Variants in GPR176 observed in about 807,000 individuals in gnomAD.
The protein encoded by GPR176 is G-protein coupled receptor 176.
In GPR176, 26 loss-of-function variants were observed where a neutral mutation model predicts 35.4. The ratio of observed to expected loss-of-function variants is 0.74; its 90% CI spans 0.54 to 1.02. The LOEUF (loss-of-function observed/expected upper bound fraction) is 1.02. GPR176 is among the 50% of genes least tolerant of loss of function. The probability of loss-of-function intolerance (pLI) is 0.00; values close to 1 mark genes in which losing one functional copy is unlikely to be tolerated. For synonymous variants in GPR176, 278 were observed against 271.3 expected (o/e 1.02, Z -0.24); for missense variants, 597 against 665.3 (o/e 0.90, Z 1.13).
chr15:39,819,815 A>G (rs1900149544), intron 1 of GPR176, among the ~76,000 whole-genome samples: 1 of 152,242 alleles, frequency 6.6e-6, no homozygotes, highest in South Asian at 2.1e-4. Context: ...CTAAGAAAGG[A>G]AAGTGAGCCT....
intron 1 of GPR176, among the ~76,000 whole-genome samples, chr15:39,915,672 C>G (rs75126732): frequency 0.072 from 10,879 of 152,094 alleles, 542 homozygotes; most frequent in East Asian, 0.29. Flanking sequence ...GTCAGGAGTT[C>G]AAGACCATCC....
At chr15:39,849,006 A>C (rs184243322) in intron 1 of GPR176, among the ~76,000 whole-genome samples, 1 of 152,078 alleles carries the variant, frequency 6.6e-6, no homozygotes, top group East Asian at 1.9e-4. Flanking sequence ...TCAGAAAAAC[A>C]ATAGATAAAA....
At chr15:39,900,055 C>G (rs530584635) in intron 1 of GPR176, among the ~76,000 whole-genome samples, 51 of 151,680 alleles carry the variant, frequency 3.4e-4, no homozygotes, top group African/African-American at 1.2e-3. Flanking sequence ...TAATCATGTT[C>G]CCCCACCAAA....
In GPR176 at chr15:39,801,897, C is replaced by T. The variant is rs2140770658; in HGVS notation, c.783G>A (p.Glu261=). 6.2e-7 allele frequency: 1 copy of T among 1,614,050 alleles called. No homozygotes were observed. Among genetic ancestry groups the T allele is most frequent in the East Asian group, 2.2e-5 (1 of 44,872 alleles). ...TISIPYASQR[E]AELHATLLSM... ...AGAGCAGGGTGGCGTGCAGCTCGGC[C>T]TCCCGCTGGGAGGCATAGGGAATAG... Residue 261 remains glutamate, a synonymous_variant, in exon 3 of 3, where the codon GAG becomes GAA. Transcript: ENST00000561100.
In GPR176 at chr15:39,801,232, G is replaced by A. The variant is rs760357706; in HGVS notation, c.1448C>T (p.Pro483Leu). 3 of 1,614,012 alleles carry A rather than the reference G, an allele frequency of 1.9e-6. No homozygotes were observed. Among genetic ancestry groups the A allele is most frequent in the African/African-American group, 1.3e-5 (1 of 75,060 alleles). ...CACCTTTGTCTGGATCAGCTCTTCT[G>A]GGGTGTTGCCCAAGGGGGGAAGCAG... ...KRLLPPLGNT[P>L]EELIQTKVPK... Residue 483 changes from proline to leucine, a missense_variant, in exon 3 of 3, where the codon CCA becomes CTA. Pro to Leu is a moderately conservative substitution (Grantham distance 98). This residue lies in a region of GPR176 where 251 missense variants were observed against 255.4 expected (regional missense o/e 0.98). Transcript: ENST00000561100.
intron 1 of GPR176, among the ~76,000 whole-genome samples, chr15:39,854,239 G>GA (rs2031061013): frequency 6.6e-6 from 1 of 152,138 alleles, no homozygotes; most frequent in South Asian, 2.1e-4. Context: ...CAGGACCTGT[G>GA]ATGTAAACTC....
At chr15:39,903,906 A>G (rs275733) in intron 1 of GPR176, among the ~76,000 whole-genome samples, 63,722 of 152,040 alleles carry the variant, frequency 0.42, 13,946 homozygotes, top group African/African-American at 0.54. Context: ...GGAAAATAAA[A>G]GAATAAAAGG....
chr15:39,898,772 G>C (rs1216684375), intron 1 of GPR176, among the ~76,000 whole-genome samples: 1 of 152,116 alleles, frequency 6.6e-6, no homozygotes, highest in Non-Finnish European at 1.5e-5. Flanking sequence ...AGTAATTGGG[G>C]AGGGCTAAAA....
At chr15:39,855,342 C>T (rs2140815751) in intron 1 of GPR176, among the ~76,000 whole-genome samples, 1 of 152,262 alleles carries the variant, frequency 6.6e-6, no homozygotes, top group South Asian at 2.1e-4. Context: ...TTGTGTGTCC[C>T]AACTATAGTG....
At chr15:39,913,492 C>G (rs1190176220) in intron 1 of GPR176, among the ~76,000 whole-genome samples, 1 of 151,500 alleles carries the variant, frequency 6.6e-6, no homozygotes, top group Non-Finnish European at 1.5e-5. Flanking sequence ...TTGCAGTGAA[C>G]TGAGATCGCA....
intron 1 of GPR176, among the ~76,000 whole-genome samples, chr15:39,861,587 A>G (rs1281980237): frequency 6.6e-6 from 1 of 152,022 alleles, no homozygotes; most frequent in Non-Finnish European, 1.5e-5. Context: ...TGATGTGTCT[A>G]AGAAATTGTA....
intron 1 of GPR176, among the ~76,000 whole-genome samples, chr15:39,808,953 C>A (rs567590637): frequency 5.9e-5 from 9 of 152,066 alleles, no homozygotes; most frequent in Non-Finnish European, 1.2e-4. Context: ...ACAGTTGGCC[C>A]CCAGACTACA....
intron 1 of GPR176, among the ~76,000 whole-genome samples, chr15:39,854,206 C>A (rs965760158): frequency 1.3e-5 from 2 of 152,122 alleles, no homozygotes; most frequent in Non-Finnish European, 2.9e-5. Flanking sequence ...GATCCCCAGA[C>A]AATAAGGTTC....
chr15:39,910,587 G>T (rs541497268), intron 1 of GPR176, among the ~76,000 whole-genome samples: 2 of 152,080 alleles, frequency 1.3e-5, no homozygotes, highest in South Asian at 4.2e-4. Context: ...CCAACTTCAT[G>T]ATCACAGGCA....
intron 1 of GPR176, among the ~76,000 whole-genome samples, chr15:39,919,605 C>T (rs1595531672): frequency 6.6e-6 from 1 of 152,212 alleles, no homozygotes; most frequent in African/African-American, 2.4e-5. Context: ...GGGGGACTCC[C>T]GCCTGGATCC....
chr15:39,870,778 G>A (rs539169126), intron 1 of GPR176, among the ~76,000 whole-genome samples: 1 of 152,226 alleles, frequency 6.6e-6, no homozygotes, highest in East Asian at 1.9e-4. Context: ...ACTTTGAAGT[G>A]AGGTGCCATG....
chr15:39,812,694 G>C (rs1899648168), intron 1 of GPR176, among the ~76,000 whole-genome samples: 1 of 151,808 alleles, frequency 6.6e-6, no homozygotes, highest in African/African-American at 2.4e-5. Flanking sequence ...TGTCCCACTA[G>C]AGAACCCTGA....
At chr15:39,840,079 C>T (rs974599604) in intron 1 of GPR176, among the ~76,000 whole-genome samples, 2 of 152,170 alleles carry the variant, frequency 1.3e-5, no homozygotes, top group Non-Finnish European at 2.9e-5. Flanking sequence ...TGTGGCAATT[C>T]CTCAAGGATC....
At chr15:39,814,414 T>G (rs1899764342) in intron 1 of GPR176, among the ~76,000 whole-genome samples, 1 of 152,248 alleles carries the variant, frequency 6.6e-6, no homozygotes. Flanking sequence ...AATTTGTATT[T>G]GCGTCTACTT....
Sources: allele counts gnomAD v4.1 joint callset (sites outside exome capture counted in the v4.1 genomes callset), GRCh38; gene constraint gnomAD v4.1.1; regional missense constraint gnomAD v4.1.1; transcripts MANE v1.5; gene names NCBI Gene and HGNC (gene_info 2026-07-23, HGNC 2026-07-21).